The following RILPL2 variants were observed in gnomAD, a reference collection of about 807,000 sequenced individuals.
RILPL2 encodes RILP-like protein 2.
In RILPL2, 19 loss-of-function variants were observed where a neutral mutation model predicts 22.2. The observed-to-expected ratio is 0.86, with a 90% CI of 0.60 to 1.25. The LOEUF (loss-of-function observed/expected upper bound fraction) is 1.25, where lower values mean the gene tolerates loss of function less well. Among genes scored for constraint, RILPL2 ranks in the 50% most tolerant of loss-of-function variants. The pLI is 0.00. For synonymous variants in RILPL2, 123 were observed against 111.6 expected (o/e 1.10, Z -0.64); for missense variants, 243 against 263.6 (o/e 0.92, Z 0.54).
chr12:123,421,680 T>TC (rs1178640430), intron 3 of RILPL2, among the ~76,000 whole-genome samples: 1 of 149,662 alleles, frequency 6.7e-6, no homozygotes, highest in East Asian at 1.9e-4. Flanking sequence ...CCTTTTTTTT[T>TC]TTTTTTTTTT....
intron 3 of RILPL2, 130 bp from the exon 4 acceptor site, chr12:123,416,051 G>A: frequency 3.4e-6 from 3 of 892,178 alleles, no homozygotes; most frequent in Non-Finnish European, 5.7e-6. Context: ...AGGCATTGTG[G>A]CTCACGCCTG....
At chr12:123,418,325 C>T (rs1016020919) in intron 3 of RILPL2, among the ~76,000 whole-genome samples, 7 of 152,116 alleles carry the variant, frequency 4.6e-5, no homozygotes, top group Non-Finnish European at 8.8e-5. Context: ...CTTCCCAACT[C>T]GATTTTCTTG....
intron 2 of RILPL2, among the ~76,000 whole-genome samples, chr12:123,428,161 G>A (rs1879494930): frequency 6.6e-6 from 1 of 151,942 alleles, no homozygotes; most frequent in South Asian, 2.1e-4. Context: ...TTCTGAGATG[G>A]AGTCTCGCTC....
chr12:123,412,654 C>G (rs753460860), downstream of RILPL2: 2 of 152,188 alleles, frequency 1.3e-5, no homozygotes, highest in African/African-American at 2.4e-5. Flanking sequence ...ACCCATTATG[C>G]CTTAACCTCC....
At position 123,436,062 on chromosome 12, in the gene RILPL2, ACCCTCGCT is replaced by A. The variant is rs1879785715; in HGVS notation, c.339+12_339+19del. 1 of 1,554,984 alleles carries A rather than the reference ACCCTCGCT, an allele frequency of 6.4e-7. No homozygotes were observed. Among genetic ancestry groups the A allele is most frequent in the Admixed American group, 1.9e-5 (1 of 52,226 alleles). On this transcript the variant is annotated intron_variant, in intron 1 of 3. Coordinates refer to ENST00000280571, the MANE Select transcript of RILPL2 (RefSeq NM_145058.3). This position sits in a 1 kb window ranked among gnomAD's most constrained non-coding sequence, Gnocchi z 6.7. ...GCCCCGCAGGCGCCGTGGGCCCGGA[ACCCTCGCT>A]CCCACACTCACCTCCCCGCTGGCCG...
intron 2 of RILPL2, among the ~76,000 whole-genome samples, chr12:123,425,665 T>C (rs1879424556): frequency 6.6e-6 from 1 of 151,668 alleles, no homozygotes; most frequent in East Asian, 1.9e-4. Context: ...TTTTTTTTTT[T>C]TTTTGAGACA....
rs893973974 is a variant in RILPL2 at position 123,415,628 on chromosome 12, A to AC, written c.*262dup. On this transcript the variant is annotated 3_prime_UTR_variant, in exon 4 of 4. Coordinates refer to ENST00000280571, the MANE Select transcript of RILPL2 (RefSeq NM_145058.3). ...GGGTTGACATGGGAGCAGGAAGTGGACCCCCCCACCCTGCACATCCCTTCT... is the reference window on the plus strand; with the variant it reads ...GGGTTGACATGGGAGCAGGAAGTGGACCCCCCCCACCCTGCACATCCCTTCT... The AC allele has an allele frequency of 3.3e-5, 18 of 551,430 alleles. No individual in the cohort carries two copies. The highest frequency in any genetic ancestry group is 3.8e-5 in the African/African-American group (2 of 52,708). The allele number at this position is 551,430 out of a possible 1,614,324, so 34.2% of individuals were successfully genotyped here. A position where few individuals can be genotyped will look rare whatever the true frequency, so the allele number is the denominator to read the frequency against.
chr12:123,421,507 T>C (rs375401989), intron 3 of RILPL2, among the ~76,000 whole-genome samples: 38 of 151,952 alleles, frequency 2.5e-4, no homozygotes, highest in African/African-American at 8.5e-4. Context: ...GGAAGAACCA[T>C]GACTTTGCTC....
intron 1 of RILPL2, among the ~76,000 whole-genome samples, chr12:123,435,361 G>A (rs1879766210): frequency 2.6e-5 from 4 of 152,126 alleles, no homozygotes; most frequent in Non-Finnish European, 5.9e-5. Context: ...AGTGTTTCCA[G>A]TTTGGCAGCT....
intron 2 of RILPL2, among the ~76,000 whole-genome samples, chr12:123,428,131 CTTATT>C (rs912315716): frequency 6.6e-6 from 1 of 152,020 alleles, no homozygotes; most frequent in Non-Finnish European, 1.5e-5. Flanking sequence ...GCCTGAACTA[CTTATT>C]TTATTCTATT....
chr12:123,432,817 T>A (rs1279113836), intron 1 of RILPL2, among the ~76,000 whole-genome samples: 1 of 152,250 alleles, frequency 6.6e-6, no homozygotes, highest in South Asian at 2.1e-4. Context: ...TCAGTTAACT[T>A]TCCTTGACTC....
rs533711431 is a variant in RILPL2, at chr12:123,415,815, G to A, written c.*76C>T. 21 of 1,383,598 alleles carry A rather than the reference G, an allele frequency of 1.5e-5. 1 individual carries two copies. In the South Asian group the frequency reaches 1.6e-4, roughly 11 times the overall value. The allele number at this position is 1,383,598 out of a possible 1,614,324, so 85.7% of individuals were successfully genotyped here. A position where few individuals can be genotyped will look rare whatever the true frequency, so the allele number is the denominator to read the frequency against. On this transcript the variant is annotated 3_prime_UTR_variant, in exon 4 of 4. Transcript: ENST00000280571. ...AGGCCTAGTGTGTCTGTGTGGCACA[G>A]GGAGGTGGTTTTGCCAGGCATCTTG...
chr12:123,413,359 C>G (rs553139623), downstream of RILPL2: 1 of 154,552 alleles, frequency 6.5e-6, no homozygotes, highest in African/African-American at 2.4e-5. Flanking sequence ...TTTGTTCCTT[C>G]TGATGTTCAG....
Position 123,430,490 on chromosome 12 carries a change from C to T in RILPL2, c.491+18G>A, listed in dbSNP as rs763244917. 3.8e-6 allele frequency: 6 copies of T among 1,596,818 alleles called. No homozygotes were observed. The East Asian group carries it at 9.1e-5, about 24-fold the overall frequency. On this transcript the variant is annotated intron_variant, in intron 2 of 3. Coordinates refer to ENST00000280571, the MANE Select transcript of RILPL2 (RefSeq NM_145058.3). ...GGGCCAGGTCTGGGTGCAGGACCCT[C>T]CAGGCAGTGGAGCCCACCTCTTGTA...
intron 2 of RILPL2, among the ~76,000 whole-genome samples, chr12:123,424,783 G>C (rs931617180): frequency 6.6e-6 from 1 of 152,180 alleles, no homozygotes; most frequent in Admixed American, 6.6e-5. Context: ...GCGTTTTGTT[G>C]CAGTGCCCAC....
chr12:123,430,099 CAAAAAA>C (rs59871132), intron 2 of RILPL2, among the ~76,000 whole-genome samples: 7 of 18,784 alleles, frequency 3.7e-4, no homozygotes, highest in East Asian at 3.3e-3. Flanking sequence ...GTGAGACCCT[CAAAAAA>C]AAAAAAAAAA....
chr12:123,433,707 T>C (rs899564191), intron 1 of RILPL2, among the ~76,000 whole-genome samples: 2 of 152,168 alleles, frequency 1.3e-5, no homozygotes, highest in Non-Finnish European at 2.9e-5. Flanking sequence ...CCACCGCGCC[T>C]GGCCTGGTTT....
In RILPL2 at chr12:123,436,432, C is replaced by T. The variant is rs909309158; in HGVS notation, c.-12G>A. ...GGGGGCTCCTCCATGGCCACCCAGA[C>T]CCCCGCCGACCTCGGAGCTGCTGTC... On this transcript the variant is annotated 5_prime_UTR_variant, in exon 1 of 4. Coordinates refer to ENST00000280571, the MANE Select transcript of RILPL2 (RefSeq NM_145058.3). This position sits in a 1 kb window ranked among gnomAD's most constrained non-coding sequence, Gnocchi z 6.7. 39 of 1,543,216 alleles carry T rather than the reference C, an allele frequency of 2.5e-5. No homozygotes were observed. The highest frequency in any genetic ancestry group is 3.1e-5 in the Non-Finnish European group (36 of 1,146,136).
downstream of RILPL2, among the ~76,000 whole-genome samples, chr12:123,410,228 A>G (rs1878930281): frequency 1.3e-5 from 2 of 152,220 alleles, no homozygotes; most frequent in Non-Finnish European, 2.9e-5. Context: ...TGTCATTGCG[A>G]CTTATAATTT....
Sources: gnomAD v4.1 joint callset for allele counts (sites outside exome capture counted in the v4.1 genomes callset) on GRCh38, gnomAD v4.1.1 for gene constraint, Gnocchi (gnomAD v3.1) non-coding constraint, MANE v1.5 for transcripts, NCBI Gene and HGNC (gene_info 2026-07-23, HGNC 2026-07-21) for gene names.